PTPRT: variants seen among roughly 807,000 people sequenced by gnomAD.
PTPRT encodes receptor-type tyrosine-protein phosphatase T.
Under a neutral mutation model 176.8 loss-of-function variants are expected in PTPRT, and 56 were observed. The observed-to-expected ratio is 0.32, with a 90% CI of 0.26 to 0.40. The LOEUF (loss-of-function observed/expected upper bound fraction) is 0.40. Among genes scored for constraint, PTPRT ranks in the 10% least tolerant of loss-of-function variants. The pLI is 1.00. For synonymous variants in PTPRT, 783 were observed against 739.0 expected (o/e 1.06, Z -0.96); for missense variants, 1,540 against 1,908.2 (o/e 0.81, Z 3.60).
At chr20:42,656,463 G>A (rs1051466607) in intron 7 of PTPRT, among the ~76,000 whole-genome samples, 18 of 152,162 alleles carry the variant, frequency 1.2e-4, no homozygotes, top group Non-Finnish European at 2.2e-4. Flanking sequence ...CCACTTGTTT[G>A]CAGAGTTATT....
At chr20:42,104,544 C>A in intron 25 of PTPRT, 25 bp downstream of exon 25, 1 of 1,599,874 alleles carries the variant, frequency 6.3e-7, no homozygotes, top group South Asian at 1.1e-5. Context: ...CTAAGATGGT[C>A]ACCGAGCCTG....
intron 2 of PTPRT, among the ~76,000 whole-genome samples, chr20:42,823,491 A>G (rs941767097): frequency 6.6e-6 from 1 of 152,148 alleles, no homozygotes; most frequent in African/African-American, 2.4e-5. Context: ...TATTGTGCAC[A>G]TGTATCCCAT....
At chr20:42,213,800 G>A (rs2055703906) in intron 15 of PTPRT, among the ~76,000 whole-genome samples, 1 of 152,090 alleles carries the variant, frequency 6.6e-6, no homozygotes, top group Non-Finnish European at 1.5e-5. Context: ...AGTCTCAGAG[G>A]GAGCCTGACC....
At chr20:42,606,322 G>T (rs1162583584) in intron 7 of PTPRT, among the ~76,000 whole-genome samples, 1 of 152,134 alleles carries the variant, frequency 6.6e-6, no homozygotes, top group Non-Finnish European at 1.5e-5. Flanking sequence ...AGCAGATCTG[G>T]GACCTCAGCA....
intron 1 of PTPRT, among the ~76,000 whole-genome samples, chr20:43,106,070 C>T (rs546480516): frequency 6.6e-6 from 1 of 152,092 alleles, no homozygotes; most frequent in Admixed American, 6.5e-5. Context: ...GCCAAGGCTG[C>T]CCCAGACCAA....
At chr20:43,070,429 G>T (rs149843607) in intron 1 of PTPRT, among the ~76,000 whole-genome samples, 16 of 152,242 alleles carry the variant, frequency 1.1e-4, no homozygotes, top group Admixed American at 7.2e-4. Context: ...ATTCCTCAGG[G>T]ATCTAGAACT....
At chr20:42,706,341 T>C (rs1299801446) in intron 6 of PTPRT, among the ~76,000 whole-genome samples, 1 of 152,104 alleles carries the variant, frequency 6.6e-6, no homozygotes, top group East Asian at 1.9e-4. Context: ...TGTTAATCTC[T>C]GAATTGGCTC....
intron 2 of PTPRT, among the ~76,000 whole-genome samples, chr20:42,865,148 C>A (rs575885288): frequency 6.6e-6 from 1 of 152,220 alleles, no homozygotes; most frequent in South Asian, 2.1e-4. Flanking sequence ...ACAAAGTATG[C>A]CACAGCAGAA....
intron 11 of PTPRT, among the ~76,000 whole-genome samples, chr20:42,335,344 G>C (rs1175840119): frequency 6.6e-6 from 1 of 152,088 alleles, no homozygotes; most frequent in East Asian, 1.9e-4. Flanking sequence ...AGCACCTCCA[G>C]TCAACTTTCT....
intron 7 of PTPRT, among the ~76,000 whole-genome samples, chr20:42,546,389 C>T (rs540566354): frequency 3.9e-5 from 6 of 152,062 alleles, no homozygotes; most frequent in African/African-American, 7.2e-5. Flanking sequence ...GGTTGAAGTA[C>T]GGCCACTGGG....
intron 7 of PTPRT, among the ~76,000 whole-genome samples, chr20:42,632,585 A>C (rs2074435969): frequency 6.6e-6 from 1 of 151,490 alleles, no homozygotes; most frequent in East Asian, 1.9e-4. Flanking sequence ...TTACTATATT[A>C]TCTATATTTA....
chr20:42,578,217 T>G lies in PTPRT; in HGVS notation c.1153+99649A>C, dbSNP rs62203794. 9.4e-3 allele frequency among the ~76,000 whole-genome samples: 1,428 copies of G among 152,228 alleles called. 17 individuals carry two copies. Among genetic ancestry groups the G allele is most frequent in the Middle Eastern group, 0.024 (7 of 294 alleles). The stretch of plus-strand genomic sequence containing the variant: ...GATTAGGATTGATCCCTGGCCTTTC[T>G]GGAAGCACACTAACCAGGGATTCAC... On this transcript the variant is annotated intron_variant, in intron 7 of 30. Transcript: ENST00000373187.
At chr20:42,809,093 G>A (rs1242092598) in intron 2 of PTPRT, among the ~76,000 whole-genome samples, 1 of 152,148 alleles carries the variant, frequency 6.6e-6, no homozygotes, top group African/African-American at 2.4e-5. Flanking sequence ...TATGTGACTT[G>A]GGTCACAGAG....
intron 16 of PTPRT, among the ~76,000 whole-genome samples, chr20:42,168,486 A>G (rs1448981294): frequency 2.0e-5 from 3 of 152,220 alleles, no homozygotes; most frequent in Non-Finnish European, 4.4e-5. Flanking sequence ...GAAAAGGCTC[A>G]AGATAATAAA....
intron 1 of PTPRT, among the ~76,000 whole-genome samples, chr20:43,162,494 C>T (rs2014725074): frequency 6.6e-6 from 1 of 152,210 alleles, no homozygotes. Context: ...CAAGCAAAGA[C>T]TTACTGACAG....
chr20:42,644,774 G>A (rs146480870), intron 7 of PTPRT, among the ~76,000 whole-genome samples: 26 of 152,238 alleles, frequency 1.7e-4, no homozygotes, highest in African/African-American at 6.3e-4. Context: ...AAAGACCTGG[G>A]ATAATGATCA....
At chr20:42,820,823 TA>T (rs1447952674) in intron 2 of PTPRT, among the ~76,000 whole-genome samples, 1 of 152,102 alleles carries the variant, frequency 6.6e-6, no homozygotes, top group Non-Finnish European at 1.5e-5. Context: ...AAGAAATTGA[TA>T]AATTCCTGGA....
intron 6 of PTPRT, among the ~76,000 whole-genome samples, chr20:42,718,803 T>A (rs1376311901): frequency 6.6e-6 from 1 of 152,176 alleles, no homozygotes; most frequent in Non-Finnish European, 1.5e-5. Context: ...TATATTCAGT[T>A]ATAATGTGTC....
At chr20:42,795,075 C>G (rs1051471790) in intron 2 of PTPRT, among the ~76,000 whole-genome samples, 1 of 152,114 alleles carries the variant, frequency 6.6e-6, no homozygotes, top group Non-Finnish European at 1.5e-5. Context: ...TTAATATCAT[C>G]CCAGGGCTGT....
Sources: gnomAD v4.1 joint callset for allele counts (sites outside exome capture counted in the v4.1 genomes callset) on GRCh38, gnomAD v4.1.1 for gene constraint, MANE v1.5 for transcripts, NCBI Gene and HGNC (gene_info 2026-07-23, HGNC 2026-07-21) for gene names.